The following CDH20 variants were observed in gnomAD, a reference collection of about 807,000 sequenced individuals.
The protein encoded by CDH20 is cadherin-20.
CDH20 carries 29 observed loss-of-function variants against 74.2 expected under a neutral mutation model. The observed-to-expected ratio is 0.39, with a 90% CI of 0.29 to 0.53. The LOEUF is 0.53. Among genes scored for constraint, CDH20 ranks in the 20% least tolerant of loss-of-function variants. The pLI is 0.69. For synonymous variants in CDH20, 469 were observed against 405.4 expected (o/e 1.16, Z -1.88); for missense variants, 988 against 1,048.3 (o/e 0.94, Z 0.79).
At chr18:61,382,140 C>T (rs533761588) in intron 1 of CDH20, among the ~76,000 whole-genome samples, 1 of 152,180 alleles carries the variant, frequency 6.6e-6, no homozygotes, top group Non-Finnish European at 1.5e-5. Context: ...TCCATCATTT[C>T]ATTGCTATTA....
chr18:61,408,338 G>C (rs76149644), intron 1 of CDH20, among the ~76,000 whole-genome samples: 1,661 of 152,242 alleles, frequency 0.011, 30 homozygotes, highest in African/African-American at 0.036. Context: ...GAAGGACAAA[G>C]GTAGTTTCTA....
chr18:61,352,547 C>CATA, intron 1 of CDH20, among the ~76,000 whole-genome samples: 1 of 152,286 alleles, frequency 6.6e-6, no homozygotes, highest in Middle Eastern at 3.4e-3. Flanking sequence ...GTACCTGGAT[C>CATA]ACCGTATCAT....
intron 11 of CDH20, among the ~76,000 whole-genome samples, 177 bp from the exon 12 acceptor site, chr18:61,554,013 A>C (rs1390825163): frequency 1.3e-5 from 2 of 152,242 alleles, no homozygotes; most frequent in Admixed American, 1.3e-4. Context: ...ACTTACAGAA[A>C]GAGGACAAAG....
In CDH20 at chr18:61,500,802, G is replaced by T. The variant is rs566834859; in HGVS notation, c.661+300G>T. 1.2e-4 allele frequency among the ~76,000 whole-genome samples: 19 copies of T among 152,258 alleles called. No individual in the cohort carries two copies. The South Asian group carries it at 3.9e-3, about 32-fold the overall frequency. ...TCCTATGGTTATATTTATTCCCAGGGACTAAGGTCTTTTATAACCCCATGA... is the reference window on the plus strand; with the variant it reads ...TCCTATGGTTATATTTATTCCCAGGTACTAAGGTCTTTTATAACCCCATGA... On this transcript the variant is annotated intron_variant, in intron 4 of 11. Transcript: ENST00000262717.
rs139586239 is a variant in CDH20, at chr18:61,516,288, T to A, written c.1017+8728T>A. On this transcript the variant is annotated intron_variant, in intron 6 of 11. Transcript: ENST00000262717. Reference sequence around the variant, plus strand: ...TGTTCAATGTAACAATTTTTTTAGGTTTTTGCTACGCTTTGAGTTTCTGGT... The same window carrying A: ...TGTTCAATGTAACAATTTTTTTAGGATTTTGCTACGCTTTGAGTTTCTGGT... Among the ~76,000 whole-genome samples, 1,301 of 152,308 alleles carry A rather than the reference T, an allele frequency of 8.5e-3. 25 individuals are homozygous for A. Among genetic ancestry groups the A allele is most frequent in the African/African-American group, 0.03 (1,247 of 41,564 alleles).
chr18:61,441,315 A>G (rs1205513517), intron 1 of CDH20, among the ~76,000 whole-genome samples: 2 of 152,164 alleles, frequency 1.3e-5, no homozygotes, highest in Non-Finnish European at 2.9e-5. Context: ...TAATTATTAT[A>G]AATTTCTAAA....
intron 1 of CDH20, among the ~76,000 whole-genome samples, chr18:61,438,368 G>A (rs1359921141): frequency 6.0e-5 from 1 of 16,678 alleles, no homozygotes; most frequent in African/African-American, 1.4e-4. Flanking sequence ...AGGGTTCCTG[G>A]AGAGGGTATA....
chr18:61,435,816 T>C (rs1236433056), intron 1 of CDH20, among the ~76,000 whole-genome samples: 1 of 151,896 alleles, frequency 6.6e-6, no homozygotes, highest in Non-Finnish European at 1.5e-5. Flanking sequence ...AAGTGCAAAT[T>C]CAATGTTTTT....
intron 1 of CDH20, among the ~76,000 whole-genome samples, chr18:61,362,531 G>A (rs1260224836): frequency 2.0e-5 from 3 of 152,094 alleles, no homozygotes; most frequent in Admixed American, 1.3e-4. Context: ...TTTTAGTGGG[G>A]ACAGATAATA....
intron 9 of CDH20, among the ~76,000 whole-genome samples, chr18:61,541,951 G>A (rs868404915): frequency 4.0e-5 from 6 of 151,878 alleles, no homozygotes; most frequent in South Asian, 4.2e-4. Flanking sequence ...CGGGCCATGC[G>A]CTCCCAACCC....
At chr18:61,485,917 C>CA (rs1459795172) in intron 1 of CDH20, among the ~76,000 whole-genome samples, 13 of 152,022 alleles carry the variant, frequency 8.6e-5, no homozygotes, top group African/African-American at 2.9e-4. Flanking sequence ...ACTAAAAATA[C>CA]AAAAAATTAG....
chr18:61,464,865 C>A (rs914484849), intron 1 of CDH20, among the ~76,000 whole-genome samples: 3 of 152,186 alleles, frequency 2.0e-5, no homozygotes, highest in Non-Finnish European at 4.4e-5. Flanking sequence ...GTGGCAAAAC[C>A]AGTTAGAATC....
chr18:61,410,040 A>C (rs1164980454), intron 1 of CDH20, among the ~76,000 whole-genome samples: 1 of 152,210 alleles, frequency 6.6e-6, no homozygotes, highest in African/African-American at 2.4e-5. Context: ...ATAAAAGCCA[A>C]TTCAGATAAT....
Position 61,454,456 on chromosome 18 carries a change from G to A in CDH20, c.-152-35946G>A, listed in dbSNP as rs564641639. On this transcript the variant is annotated intron_variant, in intron 1 of 11. Coordinates refer to ENST00000262717, the MANE Select transcript of CDH20 (RefSeq NM_031891.4). ...AAGGGAGGAATAAAAACTTATTTTCGTTTATTTGACATGTAAGGAAAAGAA... is the reference window on the plus strand; with the variant it reads ...AAGGGAGGAATAAAAACTTATTTTCATTTATTTGACATGTAAGGAAAAGAA... Among the ~76,000 whole-genome samples, 13 of 152,242 alleles carry A rather than the reference G, an allele frequency of 8.5e-5. No homozygotes were observed. In the South Asian group the frequency reaches 1.7e-3, roughly 19 times the overall value.
intron 2 of CDH20, among the ~76,000 whole-genome samples, chr18:61,497,509 T>C (rs1911213930): frequency 6.6e-6 from 1 of 152,226 alleles, no homozygotes; most frequent in Admixed American, 6.5e-5. Flanking sequence ...AGGTTGTTTT[T>C]GCCTCTCTGC....
chr18:61,378,655 C>G (rs1300247356), intron 1 of CDH20, among the ~76,000 whole-genome samples: 2 of 152,190 alleles, frequency 1.3e-5, no homozygotes, highest in African/African-American at 4.8e-5. Context: ...CATGCCACAG[C>G]CCAGTCAAGT....
chr18:61,434,114 T>A (rs1157635544), intron 1 of CDH20, among the ~76,000 whole-genome samples: 3 of 152,158 alleles, frequency 2.0e-5, no homozygotes, highest in Admixed American at 6.5e-5. Flanking sequence ...GCAGCCTGTG[T>A]GTTTCTAGAT....
At chr18:61,347,287 A>AATATATATATATATATATATATAT (rs758677743) in intron 1 of CDH20, among the ~76,000 whole-genome samples, 1 of 86,458 alleles carries the variant, frequency 1.2e-5, no homozygotes, top group African/African-American at 5.9e-5. Flanking sequence ...TGTCTCTGCT[A>AATATATATATATATATATATATAT]ATATATATAT....
chr18:61,393,448 C>T (rs1911859751), intron 1 of CDH20, among the ~76,000 whole-genome samples: 1 of 152,162 alleles, frequency 6.6e-6, no homozygotes, highest in African/African-American at 2.4e-5. Context: ...CCGTTTCTCC[C>T]AGGTAGGCTA....
Sources: gnomAD v4.1 joint callset for allele counts (sites outside exome capture counted in the v4.1 genomes callset) on GRCh38, gnomAD v4.1.1 for gene constraint, MANE v1.5 for transcripts, NCBI Gene and HGNC (gene_info 2026-07-23, HGNC 2026-07-21) for gene names.